FRMPD4: variants seen among roughly 807,000 people sequenced by gnomAD.
FRMPD4 encodes the protein FERM and PDZ domain-containing protein 4.
FRMPD4 carries 22 observed loss-of-function variants against 94.1 expected under a neutral mutation model. The ratio of observed to expected loss-of-function variants is 0.23; its 90% CI spans 0.17 to 0.33. FRMPD4 has a LOEUF of 0.33. Ranked by LOEUF, FRMPD4 falls within the 10% of genes least tolerant of loss-of-function variation. The pLI is 1.00. For missense variants in FRMPD4, 1,111 were observed against 1,339.9 expected (o/e 0.83, Z 2.67); for synonymous variants, 631 against 548.6 (o/e 1.15, Z -2.10).
chrX:11,909,331 T>C (rs1214040820), intron 3 of FRMPD4, among the ~76,000 whole-genome samples: 1 of 112,330 alleles, frequency 8.9e-6, no homozygotes, highest in African/African-American at 3.2e-5. Flanking sequence ...TTAAAATTTA[T>C]TGTTGTAACA....
At chrX:11,925,068 A>G (rs1236831278) in intron 3 of FRMPD4, among the ~76,000 whole-genome samples, 1 of 110,838 alleles carries the variant, frequency 9.0e-6, no homozygotes, top group East Asian at 2.8e-4. Context: ...AATCTAAGCA[A>G]ATGGAAAACA....
chrX:11,927,066 T>C (rs1324115991), intron 3 of FRMPD4, among the ~76,000 whole-genome samples: 1 of 110,318 alleles, frequency 9.1e-6, no homozygotes, highest in Non-Finnish European at 1.9e-5. Context: ...GGATACAAAA[T>C]CAATGTGCCA....
chrX:12,280,150 C>T (rs1030903159), intron 1 of FRMPD4, among the ~76,000 whole-genome samples: 19 of 110,075 alleles, frequency 1.7e-4, no homozygotes, highest in Non-Finnish European at 2.8e-4. Flanking sequence ...CTCAGATATA[C>T]TACCACACAA....
chrX:12,429,931 C>T (rs1344607141), intron 1 of FRMPD4, among the ~76,000 whole-genome samples: 3 of 112,039 alleles, frequency 2.7e-5, no homozygotes, highest in Non-Finnish European at 5.6e-5. Flanking sequence ...TTTCTCCTTT[C>T]TGGAGGACAC....
intron 1 of FRMPD4, among the ~76,000 whole-genome samples, chrX:12,466,829 T>G (rs2057454507): frequency 1.8e-5 from 2 of 111,889 alleles, no homozygotes; most frequent in Admixed American, 1.9e-4. Context: ...ATGGCTAGAG[T>G]TGAGCAAGAG....
intron 4 of FRMPD4, among the ~76,000 whole-genome samples, chrX:12,638,146 C>T (rs1432512028): frequency 1.8e-5 from 2 of 112,556 alleles, no homozygotes; most frequent in African/African-American, 6.4e-5. Context: ...GCTTTTTTCA[C>T]GTAACTGTAT....
intron 1 of FRMPD4, among the ~76,000 whole-genome samples, chrX:11,850,774 G>GTGAAA (rs2053616814): frequency 8.9e-6 from 1 of 111,967 alleles, no homozygotes; most frequent in South Asian, 3.7e-4. Context: ...GAGACAGAAA[G>GTGAAA]TGAAATGGTG....
chrX:12,618,447 G>A (rs1318267288), intron 4 of FRMPD4, among the ~76,000 whole-genome samples: 5 of 111,607 alleles, frequency 4.5e-5, no homozygotes, highest in African/African-American at 9.8e-5. Flanking sequence ...TGCTGTTGGC[G>A]AGGGTAGTAT....
At chrX:12,270,623 G>T (rs1352827030) in intron 1 of FRMPD4, among the ~76,000 whole-genome samples, 1 of 111,465 alleles carries the variant, frequency 9.0e-6, no homozygotes, top group Non-Finnish European at 1.9e-5. Context: ...ATCTACATAT[G>T]CATATGTGTA....
chrX:12,134,883 T>C (rs185876579), upstream of FRMPD4, among the ~76,000 whole-genome samples: 459 of 112,410 alleles, frequency 4.1e-3, 1 homozygote, highest in Non-Finnish European at 6.3e-3. Context: ...CCTCAACTCA[T>C]ATGTAGCCAA....
intron 3 of FRMPD4, among the ~76,000 whole-genome samples, chrX:12,097,055 A>G (rs984745816): frequency 4.5e-5 from 5 of 112,317 alleles, no homozygotes; most frequent in African/African-American, 1.6e-4. Context: ...AATATTCCAG[A>G]AAGTAGCTAC....
intron 1 of FRMPD4, among the ~76,000 whole-genome samples, chrX:12,270,601 A>G (rs2054340923): frequency 8.9e-6 from 1 of 112,105 alleles, no homozygotes; most frequent in South Asian, 3.6e-4. Flanking sequence ...AGATATATAC[A>G]TATATGTGTG....
At chrX:12,301,313 G>A (rs763018394) in intron 1 of FRMPD4, among the ~76,000 whole-genome samples, 6 of 111,679 alleles carry the variant, frequency 5.4e-5, no homozygotes, top group Non-Finnish European at 9.4e-5. Flanking sequence ...GCCTGGCATC[G>A]GTCTACGGAT....
intron 1 of FRMPD4, among the ~76,000 whole-genome samples, chrX:11,862,782 T>A (rs1186276387): frequency 9.0e-6 from 1 of 110,955 alleles, no homozygotes; most frequent in African/African-American, 3.3e-5. Context: ...GTCAGTTCTC[T>A]TAGCTTGCTG....
At position 12,064,302 on chromosome X, in the gene FRMPD4, G is replaced by T. The variant is rs182482688; in HGVS notation, c.95+186284G>T. On this transcript the variant is annotated intron_variant, in intron 3 of 18. Coordinates refer to the FRMPD4 transcript ENST00000640291. Reference sequence around the variant, plus strand: ...TAAGGCAATATTGTATTTCTTCAACGTTCCAGGACAAGTTTGTGTCAGAGT... The same window carrying T: ...TAAGGCAATATTGTATTTCTTCAACTTTCCAGGACAAGTTTGTGTCAGAGT... Among the ~76,000 whole-genome samples, 3 of 112,260 alleles carry T rather than the reference G, an allele frequency of 2.7e-5. No homozygotes were observed. The Admixed American group carries it at 2.8e-4, about 11-fold the overall frequency.
Position 11,872,718 on chromosome X carries a change from T to C in FRMPD4, c.-29-5177T>C, listed in dbSNP as rs1463594025. Among the ~76,000 whole-genome samples, 4 of 112,470 alleles carry C rather than the reference T, an allele frequency of 3.6e-5. No individual in the cohort carries two copies. In the Admixed American group the frequency reaches 3.8e-4, roughly 11 times the overall value. The stretch of plus-strand genomic sequence containing the variant: ...TGTGGGTGATCTATTTTTTAGAGTT[T>C]AACATTTTGAGTTAACACTGTATCA... On this transcript the variant is annotated intron_variant, in intron 2 of 18. Coordinates refer to the FRMPD4 transcript ENST00000640291.
intron 2 of FRMPD4, among the ~76,000 whole-genome samples, chrX:12,519,075 T>C (rs2058133611): frequency 8.9e-6 from 1 of 112,497 alleles, no homozygotes; most frequent in Non-Finnish European, 1.9e-5. Flanking sequence ...AGACATTCCA[T>C]ACTAATGGAT....
chrX:12,316,177 C>T (rs1016795844), intron 1 of FRMPD4, among the ~76,000 whole-genome samples: 1 of 111,339 alleles, frequency 9.0e-6, no homozygotes, highest in Non-Finnish European at 1.9e-5. Flanking sequence ...GAGACAGTCT[C>T]GTTCTGTTGC....
At chrX:12,627,793 T>G in intron 4 of FRMPD4, among the ~76,000 whole-genome samples, 1 of 112,252 alleles carries the variant, frequency 8.9e-6, no homozygotes, top group South Asian at 3.7e-4. Flanking sequence ...GAATAAATTT[T>G]AAATTAGGGC....
Sources: allele counts gnomAD v4.1 joint callset (sites outside exome capture counted in the v4.1 genomes callset), GRCh38; gene constraint gnomAD v4.1.1; transcripts MANE v1.5; gene names NCBI Gene and HGNC (gene_info 2026-07-23, HGNC 2026-07-21).